The following SERHL2 variants were observed in gnomAD, a reference collection of about 807,000 sequenced individuals.
SERHL2 encodes the protein serine hydrolase like 2, also known as serine hydrolase-like protein 2.
In SERHL2, 29 loss-of-function variants were observed where a neutral mutation model predicts 25.5. The observed-to-expected ratio is 1.14, with a 90% confidence interval of 0.85 to 1.55. The LOEUF is 1.55. Ranked by LOEUF, SERHL2 falls within the 40% of genes most tolerant of loss-of-function variation. The pLI, the probability that SERHL2 is intolerant of heterozygous loss-of-function variation, is 0.00. For missense variants in SERHL2, 240 were observed against 252.3 expected (o/e 0.95, Z 0.33); for synonymous variants, 95 against 103.5 (o/e 0.92, Z 0.50).
rs376329659 is a variant in SERHL2 at position 42,554,014 on chromosome 22, G to A, written c.-7G>A. The stretch of plus-strand genomic sequence containing the variant: ...AGTGACAGCAGCGCATTCGCGGGAC[G>A]AGAGCGATGAGTGAGAACGCCGCAC... On this transcript the variant is annotated 5_prime_UTR_variant, in exon 1 of 12. Coordinates refer to ENST00000327678, the MANE Select transcript of SERHL2 (RefSeq NM_014509.5). 2.5e-6 allele frequency: 4 copies of A among 1,613,482 alleles called. No individual in the cohort carries two copies. In the South Asian group the frequency reaches 3.3e-5, roughly 13 times the overall value.
intron 8 of SERHL2, among the ~76,000 whole-genome samples, chr22:42,565,890 G>C (rs1205928021): frequency 6.6e-6 from 1 of 151,886 alleles, no homozygotes; most frequent in East Asian, 1.9e-4. Context: ...GTCTTGCTCT[G>C]TCGCCTAGGC....
In SERHL2 at chr22:42,573,888, C is replaced by G. The variant is rs536958412; in HGVS notation, c.826-48C>G. 2.6e-4 allele frequency: 406 copies of G among 1,581,808 alleles called. 6 individuals are homozygous for G. The South Asian group carries it at 4.3e-3, about 17-fold the overall frequency. On this transcript the variant is annotated intron_variant, in intron 11 of 11. Coordinates refer to ENST00000327678, the MANE Select transcript of SERHL2 (RefSeq NM_014509.5). ...CTGACCCCGGGGCCCATGGAGCTCCCTAGGCTCCTCTGGCCACACCTCACC... is the reference window on the plus strand; with the variant it reads ...CTGACCCCGGGGCCCATGGAGCTCCGTAGGCTCCTCTGGCCACACCTCACC...
In SERHL2 at chr22:42,566,358, G is replaced by T; in HGVS notation, c.648+20G>T. 1 of 1,610,116 alleles carries T rather than the reference G, an allele frequency of 6.2e-7. No homozygotes were observed. Among genetic ancestry groups the T allele is most frequent in the Non-Finnish European group, 8.5e-7 (1 of 1,178,202 alleles). On this transcript the variant is annotated intron_variant, in intron 9 of 11. Transcript: ENST00000327678. ...GCCTGGGTGAGTACCACTGCCTCCGGGTCCCCCGCCAAGGTTTGCCTGTTA... is the reference window on the plus strand; with the variant it reads ...GCCTGGGTGAGTACCACTGCCTCCGTGTCCCCCGCCAAGGTTTGCCTGTTA...
Position 42,571,172 on chromosome 22 carries a change from A to G in SERHL2, c.700A>G (p.Arg234Gly), listed in dbSNP as rs1924127731. 6.2e-7 allele frequency: 1 copy of G among 1,613,474 alleles called. No homozygotes were observed. The highest frequency in any genetic ancestry group is 8.5e-7 in the Non-Finnish European group (1 of 1,179,652). Residue 234 changes from arginine (R) to glycine (G), a missense_variant, in exon 10 of 12, where the codon AGG (arginine) becomes GGG (glycine). Transcript: ENST00000327678. ...ISRELCAHSI[R>G]KLQAHVLLIK... is the part of the protein sequence containing the mutation. Reference sequence around the variant, plus strand: ...CAGGGAGCTGTGTGCGCATTCCATCAGGAAGCTGCAGGCCCATGTCCTGTT... The same window carrying G: ...CAGGGAGCTGTGTGCGCATTCCATCGGGAAGCTGCAGGCCCATGTCCTGTT...
intron 7 of SERHL2, 80 bp from the exon 8 acceptor site, chr22:42,560,106 C>T (rs1326993949): frequency 4.8e-6 from 5 of 1,048,684 alleles, no homozygotes; most frequent in African/African-American, 1.6e-5. Context: ...GCCACCGTCC[C>T]CCCCGGCCCT....
At position 42,572,475 on chromosome 22, in the gene SERHL2, T is replaced by C. The variant is rs776465527; in HGVS notation, c.771T>C (p.Ser257=). 2.5e-6 allele frequency: 4 copies of C among 1,612,138 alleles called. No individual in the cohort carries two copies. The South Asian group carries it at 4.4e-5, about 18-fold the overall frequency. The part of the protein sequence containing the change: ...HGYFDSRQNY[S]EKESLSFMID... ...ATTTTGATTCAAGACAGAATTACTCTGAGAAGGAGTCCCTGTCGTTCATGA... is the reference window on the plus strand; with the variant it reads ...ATTTTGATTCAAGACAGAATTACTCCGAGAAGGAGTCCCTGTCGTTCATGA... The change falls in exon 11 of 12, where the codon TCT becomes TCC. Residue 257 remains serine, a synonymous_variant. Coordinates refer to ENST00000327678, the MANE Select transcript of SERHL2 (RefSeq NM_014509.5).
intron 8 of SERHL2, among the ~76,000 whole-genome samples, chr22:42,565,631 A>G (rs137036): frequency 0.17 from 25,899 of 151,112 alleles, 2,901 homozygotes; most frequent in African/African-American, 0.3. Flanking sequence ...GCCTTGGCTA[A>G]TTTTTTAGTT....
At chr22:42,560,147 T>C (rs1922502351) in intron 7 of SERHL2, 39 bp from the exon 8 acceptor site, 3 of 1,512,098 alleles carry the variant, frequency 2.0e-6, no homozygotes, top group Non-Finnish European at 2.8e-6. Context: ...TCCTTTTTAT[T>C]GGCCTCCAGG....
intron 8 of SERHL2, among the ~76,000 whole-genome samples, chr22:42,564,797 CTT>C (rs1569278592): frequency 6.6e-6 from 1 of 151,634 alleles, no homozygotes; most frequent in Non-Finnish European, 1.5e-5. Flanking sequence ...TTCTACTAGT[CTT>C]TTTTCTTTTC....
intron 7 of SERHL2, among the ~76,000 whole-genome samples, chr22:42,559,023 G>GC (rs1378301117): frequency 5.6e-5 from 3 of 53,678 alleles, no homozygotes; most frequent in Non-Finnish European, 9.2e-5. Flanking sequence ...AGGAGGAGAA[G>GC]CCCCCCACTG....
chr22:42,561,329 G>C (rs946171775), intron 8 of SERHL2, among the ~76,000 whole-genome samples: 1 of 151,826 alleles, frequency 6.6e-6, no homozygotes, highest in Non-Finnish European at 1.5e-5. Flanking sequence ...CAGTGATCTT[G>C]GGACAGTCCC....
In SERHL2 at chr22:42,554,099, G is replaced by A. The variant is rs752087182; in HGVS notation, c.22+57G>A. ...ACTGCCCACCCACCTGGTTGGGACAGTAGAAGAGGGCGGGATGGAGTGGAG... is the reference window on the plus strand; with the variant it reads ...ACTGCCCACCCACCTGGTTGGGACAATAGAAGAGGGCGGGATGGAGTGGAG... On this transcript the variant is annotated intron_variant, in intron 1 of 11. Transcript: ENST00000327678. 1.9e-6 allele frequency: 3 copies of A among 1,591,336 alleles called. No homozygotes were observed. The Admixed American group carries it at 5.1e-5, about 27-fold the overall frequency.
rs139696344 is a variant in SERHL2 at position 42,568,298 on chromosome 22, C to T, written c.648+1960C>T. Among the ~76,000 whole-genome samples, 1,444 of 150,738 alleles carry T rather than the reference C, an allele frequency of 9.6e-3. 17 individuals are homozygous for T. The highest frequency in any genetic ancestry group is 0.015 in the Non-Finnish European group (984 of 67,370). On this transcript the variant is annotated intron_variant, in intron 9 of 11. Transcript: ENST00000327678. ...TCAGTTTCCCAAAGTACTGGGATTA[C>T]AGGTGTGAGCCACTGCAGCCAGCCA...
chr22:42,568,891 G>T (rs544459672), intron 9 of SERHL2, among the ~76,000 whole-genome samples: 2 of 151,492 alleles, frequency 1.3e-5, no homozygotes, highest in Non-Finnish European at 2.9e-5. Context: ...GCTTTAACTC[G>T]GGAGGCGGAG....
At chr22:42,565,741 C>T (rs1217933524) in intron 8 of SERHL2, among the ~76,000 whole-genome samples, 1 of 151,846 alleles carries the variant, frequency 6.6e-6, no homozygotes, top group Non-Finnish European at 1.5e-5. Flanking sequence ...GGTGCCTGAC[C>T]TCCTGCTATT....
chr22:42,563,533 T>C (rs1922965277), intron 8 of SERHL2: 2 of 321,894 alleles, frequency 6.2e-6, no homozygotes, highest in Non-Finnish European at 1.3e-5. Flanking sequence ...AACAAAAATA[T>C]CTGGCCCCTG....
intron 10 of SERHL2, among the ~76,000 whole-genome samples, 172 bp from the exon 11 acceptor site, chr22:42,572,264 G>A (rs1438904368): frequency 6.6e-6 from 1 of 152,064 alleles, no homozygotes; most frequent in Non-Finnish European, 1.5e-5. Context: ...AGCATGAGCT[G>A]AGATTAACTG....
intron 7 of SERHL2, among the ~76,000 whole-genome samples, chr22:42,559,229 TAAAA>T (rs1194822216): frequency 4.8e-4 from 33 of 69,312 alleles, no homozygotes; most frequent in East Asian, 2.5e-3. Flanking sequence ...ACCCTGTATT[TAAAA>T]AAAAAAAAAA....
At chr22:42,566,370 A>C (rs748329715) in intron 9 of SERHL2, 32 bp downstream of exon 9, 16 of 1,608,004 alleles carry the variant, frequency 1.0e-5, no homozygotes, top group African/African-American at 5.3e-5. Flanking sequence ...TCCCCCGCCA[A>C]GGTTTGCCTG....
Sources: gnomAD v4.1 joint callset for allele counts (sites outside exome capture counted in the v4.1 genomes callset) on GRCh38, gnomAD v4.1.1 for gene constraint, MANE v1.5 for transcripts, NCBI Gene and HGNC (gene_info 2026-07-23, HGNC 2026-07-21) for gene names.